The following ZDHHC1 variants were observed in gnomAD, a reference collection of about 807,000 sequenced individuals.
ZDHHC1 encodes the protein zDHHC palmitoyltransferase 1.
A neutral mutation model predicts 46.9 loss-of-function variants in ZDHHC1; 45 were observed. The observed-to-expected ratio is 0.96, with a 90% CI of 0.76 to 1.23. The LOEUF (loss-of-function observed/expected upper bound fraction) is 1.23. Ranked by LOEUF, ZDHHC1 falls within the 50% of genes most tolerant of loss-of-function variation. ZDHHC1 has a pLI of 0.00. For synonymous variants in ZDHHC1, 291 were observed against 286.0 expected, an observed-to-expected ratio of 1.02 and a Z score of -0.18; for missense variants, 649 against 670.8, an observed-to-expected ratio of 0.97 and a Z score of 0.36.
intron 1 of ZDHHC1, among the ~76,000 whole-genome samples, chr16:67,414,858 AGCTTT>A (rs1267877382): frequency 5.3e-5 from 8 of 152,234 alleles, no homozygotes; most frequent in African/African-American, 1.2e-4. Context: ...GAGTGAAGTG[AGCTTT>A]TCAAACGTGA....
Position 67,394,741 on chromosome 16 carries a change from C to G in ZDHHC1, c.1318G>C (p.Ala440Pro). 6.2e-6 allele frequency: 9 copies of G among 1,443,280 alleles called. No homozygotes were observed. The highest frequency in any genetic ancestry group is 7.2e-6 in the Non-Finnish European group (8 of 1,104,240). The allele number at this position is 1,443,280 out of a possible 1,614,324, so 89.4% of individuals were successfully genotyped here. A position where few individuals can be genotyped will look rare whatever the true frequency, so the allele number is the denominator to read the frequency against. The change falls in exon 12 of 12, where the codon GCT becomes CCT. Residue 440 changes from alanine (A) to proline (P), a missense_variant. Coordinates refer to ENST00000565726, the MANE Select transcript of ZDHHC1 (RefSeq NM_001323627.2). ...CCCCGGCCCCGCGGGGCGGCCAGAG[C>G]GGCGCTGCCCAGGCGCGTCTGCGCC... ...PVAQTRLGSA[A>P]LAAPRGRGRQ...
chr16:67,411,102 C>A (rs1027708959), intron 1 of ZDHHC1, among the ~76,000 whole-genome samples: 3 of 151,972 alleles, frequency 2.0e-5, no homozygotes, highest in Admixed American at 6.6e-5. Context: ...AAAAAAAAAA[C>A]CATTTAGGAA....
At chr16:67,402,868 T>TCTGC (rs2040580186) in intron 3 of ZDHHC1, among the ~76,000 whole-genome samples, 1 of 152,222 alleles carries the variant, frequency 6.6e-6, no homozygotes, top group African/African-American at 2.4e-5. Context: ...TCTCAGGTGA[T>TCTGC]CTGCCTGCCT....
intron 9 of ZDHHC1, 65 bp from the exon 10 acceptor site, chr16:67,395,345 T>TGA: frequency 6.7e-7 from 1 of 1,496,440 alleles, no homozygotes; most frequent in South Asian, 1.3e-5. Flanking sequence ...CTGGAGGTGC[T>TGA]GAGAGAAGCT....
At chr16:67,395,838 A>G (rs757848498) in intron 8 of ZDHHC1, 52 of 461,458 alleles carry the variant, frequency 1.1e-4, no homozygotes, top group South Asian at 5.9e-4. Context: ...CTATAGGCCC[A>G]GTTTAGAGAG....
At chr16:67,397,905 G>A (rs921370943) in intron 8 of ZDHHC1, among the ~76,000 whole-genome samples, 5 of 152,192 alleles carry the variant, frequency 3.3e-5, no homozygotes, top group African/African-American at 1.2e-4. Context: ...TGACCCCGTC[G>A]CTGGTCCATC....
In ZDHHC1 at chr16:67,401,611, T is replaced by C. The variant is rs981192924; in HGVS notation, c.253-479A>G. 2.0e-5 allele frequency among the ~76,000 whole-genome samples: 3 copies of C among 152,170 alleles called. No homozygotes were observed. Among genetic ancestry groups the C allele is most frequent in the African/African-American group, 7.2e-5 (3 of 41,442 alleles). On this transcript the variant is annotated intron_variant, in intron 3 of 11. Coordinates refer to ENST00000565726, the MANE Select transcript of ZDHHC1 (RefSeq NM_001323627.2). This position sits in a 1 kb window ranked among gnomAD's most constrained non-coding sequence, Gnocchi z 4.6. ...AAAAGGGATGCAGCCACCCCCCTTT[T>C]CAGTAGCTGGGCCAGATGGAGAACC... is the stretch of plus-strand genomic sequence containing the variant.
Position 67,398,850 on chromosome 16 carries a change from T to C in ZDHHC1, c.625A>G (p.Met209Val), listed in dbSNP as rs779123839. The C allele has an allele frequency of 6.2e-7, 1 of 1,613,002 alleles. No individual in the cohort carries two copies. Among genetic ancestry groups the C allele is most frequent in the African/African-American group, 1.3e-5 (1 of 75,014 alleles). The change falls in exon 6 of 12, where the codon ATG becomes GTG. Residue 209 changes from methionine to valine, a missense_variant. By Grantham distance (21) the Met-to-Val change is conservative (BLOSUM62 1). Coordinates refer to ENST00000565726, the MANE Select transcript of ZDHHC1 (RefSeq NM_001323627.2). Reference sequence around the variant, plus strand: ...AAGTGTCGGTTGGTGCGCAGACGCATGGGGTTGACAAAGAACTCCACGAAG... The same window carrying C: ...AAGTGTCGGTTGGTGCGCAGACGCACGGGGTTGACAAAGAACTCCACGAAG... ...YVFVEFFVNPMRLRTNRHFEV... is the reference protein window; with the variant it reads ...YVFVEFFVNPVRLRTNRHFEV...
At chr16:67,398,418 G>T in intron 7 of ZDHHC1, 94 bp from the exon 8 acceptor site, 1 of 1,521,074 alleles carries the variant, frequency 6.6e-7, no homozygotes, top group Non-Finnish European at 8.9e-7. Flanking sequence ...TGAAACCAGT[G>T]TCCCCAAATA....
rs2040548288 is a variant in ZDHHC1, at chr16:67,401,217, C to T, written c.253-85G>A. 4 of 1,534,088 alleles carry T rather than the reference C, an allele frequency of 2.6e-6. No homozygotes were observed. The highest frequency in any genetic ancestry group is 1.9e-5 in the Admixed American group (1 of 53,240). On this transcript the variant is annotated intron_variant, in intron 3 of 11. Coordinates refer to ENST00000565726, the MANE Select transcript of ZDHHC1 (RefSeq NM_001323627.2). This position sits in a 1 kb window ranked among gnomAD's most constrained non-coding sequence, Gnocchi z 4.6. ...TTGCAGCCAGAGAACTCCCCACTGCCATGCCAGCCCGCTTTGTGCAGATTC... is the reference window on the plus strand; with the variant it reads ...TTGCAGCCAGAGAACTCCCCACTGCTATGCCAGCCCGCTTTGTGCAGATTC...
chr16:67,413,522 C>T (rs959424873), intron 1 of ZDHHC1, among the ~76,000 whole-genome samples: 4 of 152,200 alleles, frequency 2.6e-5, no homozygotes, highest in South Asian at 2.1e-4. Context: ...GCTCAACTAA[C>T]GGATGCGCAT....
chr16:67,404,701 C>T (rs946733749), intron 3 of ZDHHC1: 11 of 455,628 alleles, frequency 2.4e-5, no homozygotes, highest in Non-Finnish European at 4.9e-5. Flanking sequence ...GTCACAGAAC[C>T]TCTGTGCCCA....
intron 3 of ZDHHC1, among the ~76,000 whole-genome samples, chr16:67,403,707 C>G (rs968764558): frequency 6.6e-6 from 1 of 152,054 alleles, no homozygotes; most frequent in Non-Finnish European, 1.5e-5. Context: ...CCCCCCGACC[C>G]GGGTTCAAGC....
rs775456071 is a variant in ZDHHC1 at position 67,394,525 on chromosome 16, A to T, written c.*85T>A. The T allele has an allele frequency of 1.2e-4, 130 of 1,107,372 alleles. No homozygotes were observed. The highest frequency in any genetic ancestry group is 7.7e-4 in the Middle Eastern group (2 of 2,600). The allele number at this position is 1,107,372 out of a possible 1,614,324, so 68.6% of individuals were successfully genotyped here. A position where few individuals can be genotyped will look rare whatever the true frequency, so the allele number is the denominator to read the frequency against. Reference sequence around the variant, plus strand: ...TCCCGCCGGCCGTAGGGGCCCCTAAAGTGCACTCGGTGCGGCAAGGATGGG... The same window carrying T: ...TCCCGCCGGCCGTAGGGGCCCCTAATGTGCACTCGGTGCGGCAAGGATGGG... On this transcript the variant is annotated 3_prime_UTR_variant, in exon 12 of 12. Coordinates refer to ENST00000565726, the MANE Select transcript of ZDHHC1 (RefSeq NM_001323627.2).
At position 67,399,346 on chromosome 16, in the gene ZDHHC1, T is replaced by G. The variant is rs1229537260; in HGVS notation, c.530+9A>C. On this transcript the variant is annotated intron_variant, in intron 5 of 11. Coordinates refer to ENST00000565726, the MANE Select transcript of ZDHHC1 (RefSeq NM_001323627.2). ...TCCCCAGGCCCGCGTGCGGCCGGGC[T>G]GTCCTCACCGGTAGTTCCGCTCGCC... 6.2e-7 allele frequency: 1 copy of G among 1,610,262 alleles called. No homozygotes were observed. Among genetic ancestry groups the G allele is most frequent in the Non-Finnish European group, 8.5e-7 (1 of 1,177,800 alleles).
rs2040548212 is a variant in ZDHHC1 at position 67,401,215 on chromosome 16, G to C, written c.253-83C>G. 9.8e-6 allele frequency: 15 copies of C among 1,537,294 alleles called. No individual in the cohort carries two copies. Among genetic ancestry groups the C allele is most frequent in the Non-Finnish European group, 8.8e-7 (1 of 1,140,266 alleles). Reference sequence around the variant, plus strand: ...CCTTGCAGCCAGAGAACTCCCCACTGCCATGCCAGCCCGCTTTGTGCAGAT... The same window carrying C: ...CCTTGCAGCCAGAGAACTCCCCACTCCCATGCCAGCCCGCTTTGTGCAGAT... On this transcript the variant is annotated intron_variant, in intron 3 of 11. Coordinates refer to ENST00000565726, the MANE Select transcript of ZDHHC1 (RefSeq NM_001323627.2). The surrounding 1 kb of genome is among the most constrained non-coding windows in gnomAD (Gnocchi z 4.6).
chr16:67,399,075 G>C (rs1254473076), intron 5 of ZDHHC1, 131 bp from the exon 6 acceptor site: 6 of 1,308,856 alleles, frequency 4.6e-6, no homozygotes, highest in Non-Finnish European at 6.1e-6. Flanking sequence ...CAACTCCTCA[G>C]AAGCCAAAGG....
intron 2 of ZDHHC1, among the ~76,000 whole-genome samples, chr16:67,407,547 G>A (rs2040684373): frequency 6.6e-6 from 1 of 152,212 alleles, no homozygotes; most frequent in Non-Finnish European, 1.5e-5. Context: ...AGAGCCAACT[G>A]CAAGGGTTGC....
rs2040483136 is a variant in ZDHHC1 at position 67,398,696 on chromosome 16, G to A, written c.691C>T (p.Leu231=). 3 of 1,608,990 alleles carry A rather than the reference G, an allele frequency of 1.9e-6. No homozygotes were observed. Among genetic ancestry groups the A allele is most frequent in the Non-Finnish European group, 2.5e-6 (3 of 1,178,438 alleles). The change falls in exon 7 of 12, where the codon CTG becomes TTG. Residue 231 remains leucine (L), a synonymous_variant. Transcript: ENST00000565726. ...TGGGTCTCCACGGGGGCGGCAGGCA[G>A]GAACACGAACCACACATCCGTGTGA... ...KNHTDVWFVF[L]PAAPVETQAP... is the part of the protein sequence containing the mutation.
Sources: allele counts gnomAD v4.1 joint callset (sites outside exome capture counted in the v4.1 genomes callset), GRCh38; gene constraint gnomAD v4.1.1; non-coding constraint Gnocchi (gnomAD v3.1); transcripts MANE v1.5; gene names NCBI Gene and HGNC (gene_info 2026-07-23, HGNC 2026-07-21).